The following FUT8 variants were observed in gnomAD, a reference collection of about 807,000 sequenced individuals.
FUT8 encodes fucosyltransferase 8, also known as alpha-(1,6)-fucosyltransferase.
Under a neutral mutation model 71.3 loss-of-function variants are expected in FUT8, and 29 were observed. That is an observed-to-expected ratio of 0.41 (90% CI 0.30 to 0.55). The LOEUF is 0.55. Ranked by LOEUF, FUT8 falls within the 20% of genes least tolerant of loss-of-function variation. The pLI, the probability that FUT8 is intolerant of heterozygous loss-of-function variation, is 0.34. For missense variants in FUT8, 544 were observed against 702.1 expected (o/e 0.77, Z 2.55); for synonymous variants, 254 against 239.3 (o/e 1.06, Z -0.57).
chr14:65,742,631 A>G lies in FUT8; in HGVS notation c.*221A>G, dbSNP rs959254543. 5.9e-6 allele frequency: 3 copies of G among 508,606 alleles called. No homozygotes were observed. The highest frequency in any genetic ancestry group is 6.5e-5 in the Admixed American group (2 of 30,746). 31.5% of individuals were successfully genotyped at this position (508,606 alleles called of 1,614,324 possible). ...TGCCCTCATACCCATGCACAGTACA[A>G]TAATGTACTCACATATAACATGCAA... On this transcript the variant is annotated 3_prime_UTR_variant, in exon 11 of 11. Coordinates refer to ENST00000673929, the MANE Select transcript of FUT8 (RefSeq NM_001371533.1).
intron 1 of FUT8, among the ~76,000 whole-genome samples, chr14:65,435,270 T>C (rs991183757): frequency 4.0e-5 from 6 of 149,628 alleles, no homozygotes; most frequent in Non-Finnish European, 8.8e-5. Flanking sequence ...TTTTGTTGTA[T>C]TTTTTTTACT....
upstream of FUT8, among the ~76,000 whole-genome samples, chr14:65,405,892 T>C (rs2065087395): frequency 6.6e-6 from 1 of 152,222 alleles, no homozygotes; most frequent in Non-Finnish European, 1.5e-5. Flanking sequence ...TCTGGAGGAA[T>C]GGGTTCATTG....
intron 1 of FUT8, among the ~76,000 whole-genome samples, chr14:65,417,375 A>T (rs1204492013): frequency 6.6e-6 from 1 of 152,170 alleles, no homozygotes; most frequent in East Asian, 1.9e-4. Flanking sequence ...ATAATGGGAA[A>T]TCAAACCAAT....
At chr14:65,482,182 C>G (rs1037955738) in intron 2 of FUT8, among the ~76,000 whole-genome samples, 1 of 151,980 alleles carries the variant, frequency 6.6e-6, no homozygotes, top group Non-Finnish European at 1.5e-5. Context: ...GATAGAAATT[C>G]TTTTTTGGGG....
At chr14:65,707,414 G>T (rs1894605788) in intron 7 of FUT8, among the ~76,000 whole-genome samples, 1 of 152,064 alleles carries the variant, frequency 6.6e-6, no homozygotes, top group South Asian at 2.1e-4. Context: ...TTTGTTGGGT[G>T]TATGGCTTGC....
chr14:65,677,151 T>TGTGTGTGTGTGTGTGTGCGCGCGCGC, intron 7 of FUT8, among the ~76,000 whole-genome samples: 32 of 110,688 alleles, frequency 2.9e-4, no homozygotes, highest in Non-Finnish European at 4.8e-4. Context: ...TGTGTGTGTG[T>TGTGTGTGTGTGTGTGTGCGCGCGCGC]GCGCGCGCGC....
intron 7 of FUT8, among the ~76,000 whole-genome samples, chr14:65,701,824 C>G (rs1449551130): frequency 6.6e-6 from 1 of 152,186 alleles, no homozygotes; most frequent in Non-Finnish European, 1.5e-5. Context: ...AGGAACTTCT[C>G]TAGAGCCCCT....
chr14:65,481,622 C>T (rs1429972807), intron 2 of FUT8, among the ~76,000 whole-genome samples: 1 of 152,122 alleles, frequency 6.6e-6, no homozygotes, highest in Non-Finnish European at 1.5e-5. Context: ...ACTACCCATC[C>T]TTCCTTGTCT....
In FUT8 at chr14:65,672,211, G is replaced by T. The variant is rs1003417948; in HGVS notation, c.835+2731G>T. On this transcript the variant is annotated intron_variant, in intron 7 of 10. Transcript: ENST00000673929. ...GAAAATACTAAAGGTAATGCTTCCAGTAAAAAGTAATCAAAATATTTCCCA... is the reference window on the plus strand; with the variant it reads ...GAAAATACTAAAGGTAATGCTTCCATTAAAAAGTAATCAAAATATTTCCCA... Among the ~76,000 whole-genome samples, 4 of 152,156 alleles carry T rather than the reference G, an allele frequency of 2.6e-5. No homozygotes were observed. The East Asian group carries it at 7.7e-4, about 29-fold the overall frequency.
At chr14:65,412,696 C>T (rs1470617967), upstream of FUT8, 1 of 181,820 alleles carries the variant, frequency 5.5e-6, no homozygotes, top group Non-Finnish European at 1.2e-5. Flanking sequence ...CGCCCTCTCC[C>T]AGAAGCCAGG....
At position 65,597,704 on chromosome 14, in the gene FUT8, G is replaced by T. The variant is rs116180876; in HGVS notation, c.204-18274G>T. On this transcript the variant is annotated intron_variant, in intron 3 of 10. Transcript: ENST00000673929. ...GTCTTGGAGTAAAGTCCATGATAGT[G>T]TAACAGAATTTTTTTTTGGAGGCTT... Among the ~76,000 whole-genome samples the T allele has an allele frequency of 5.6e-3, 757 of 134,020 alleles. 8 individuals are homozygous for T. Among genetic ancestry groups the T allele is most frequent in the African/African-American group, 0.018 (719 of 41,050 alleles). The allele number at this position is 134,020 out of a possible 152,430, so 87.9% of individuals were successfully genotyped here.
chr14:65,523,936 C>T (rs1321349393), intron 2 of FUT8, among the ~76,000 whole-genome samples: 1 of 152,158 alleles, frequency 6.6e-6, no homozygotes, highest in African/African-American at 2.4e-5. Flanking sequence ...ATCTATATCT[C>T]TGTTTTGGTA....
intron 2 of FUT8, among the ~76,000 whole-genome samples, chr14:65,488,922 A>G (rs2066446178): frequency 1.3e-5 from 2 of 151,132 alleles, no homozygotes; most frequent in Non-Finnish European, 2.9e-5. Context: ...TTTTTGAACC[A>G]ACTTGAATAG....
At chr14:65,718,703 C>A (rs532768759) in intron 7 of FUT8, among the ~76,000 whole-genome samples, 35 of 152,134 alleles carry the variant, frequency 2.3e-4, no homozygotes, top group African/African-American at 8.2e-4. Flanking sequence ...GTCTTTATTT[C>A]TTCTTTAAGC....
chr14:65,449,852 G>A (rs1037531772), intron 1 of FUT8, among the ~76,000 whole-genome samples: 2 of 152,210 alleles, frequency 1.3e-5, no homozygotes, highest in African/African-American at 2.4e-5. Context: ...GACCATCAGT[G>A]TTACAAGACT....
the FUT8 span, among the ~76,000 whole-genome samples, chr14:65,365,234 A>G: frequency 6.6e-6 from 1 of 151,704 alleles, no homozygotes. Flanking sequence ...AATACTCTGC[A>G]ATGTCTGATG....
intron 3 of FUT8, among the ~76,000 whole-genome samples, chr14:65,563,553 A>G (rs1456612269): frequency 6.6e-6 from 1 of 152,020 alleles, no homozygotes; most frequent in African/African-American, 2.4e-5. Context: ...CTTAGGTATG[A>G]GATCACCAAG....
At chr14:65,653,006 A>C (rs1371978236) in intron 6 of FUT8, among the ~76,000 whole-genome samples, 2 of 152,226 alleles carry the variant, frequency 1.3e-5, no homozygotes, top group Admixed American at 6.5e-5. Flanking sequence ...AAAGGTAGTC[A>C]CTTCAAGAGG....
the FUT8 span, among the ~76,000 whole-genome samples, chr14:65,375,665 T>C: frequency 6.6e-6 from 1 of 152,046 alleles, no homozygotes; most frequent in African/African-American, 2.4e-5. Context: ...CTCACTTGAC[T>C]TGGCCCCATT....
Sources: gnomAD v4.1 joint callset for allele counts (sites outside exome capture counted in the v4.1 genomes callset) on GRCh38, gnomAD v4.1.1 for gene constraint, MANE v1.5 for transcripts, NCBI Gene and HGNC (gene_info 2026-07-23, HGNC 2026-07-21) for gene names.